The following TNK2 variants were observed in gnomAD, a reference collection of about 807,000 sequenced individuals.
TNK2 encodes activated CDC42 kinase 1.
Under a neutral mutation model 101.8 loss-of-function variants are expected in TNK2, and 83 were observed. The observed-to-expected ratio is 0.82, with a 90% CI of 0.68 to 0.98. TNK2 has a LOEUF of 0.98. Ranked by LOEUF, TNK2 falls within the 50% of genes least tolerant of loss-of-function variation. The pLI, the probability that TNK2 is intolerant of heterozygous loss-of-function variation, is 0.00. For synonymous variants in TNK2, 804 were observed against 633.0 expected (o/e 1.27, Z -4.06); for missense variants, 1,665 against 1,483.2 (o/e 1.12, Z -2.01).
chr3:195,887,785 G>T (rs1482239309), intron 2 of TNK2, among the ~76,000 whole-genome samples: 1 of 151,070 alleles, frequency 6.6e-6, no homozygotes, highest in Non-Finnish European at 1.5e-5. Context: ...CTGCGCGCGT[G>T]TGTGTACATG....
chr3:195,895,817 G>C lies in TNK2; in HGVS notation c.-18-7211C>G, dbSNP rs547746166. The C allele has an allele frequency of 1.3e-4, 23 of 175,824 alleles. No homozygotes were observed. The East Asian group carries it at 3.3e-3, about 25-fold the overall frequency. The allele number at this position is 175,824 out of a possible 1,614,324, so 10.9% of individuals were successfully genotyped here. On this transcript the variant is annotated intron_variant, in intron 1 of 15. Transcript: ENST00000672887. ...CTCCATCTGAGACCCCCTCCTCCGA[G>C]GCATCCCGGGGCTGCAGCCCACCCC...
chr3:195,884,622 C>T (rs917972418), intron 4 of TNK2, 190 bp downstream of exon 4: 17 of 568,860 alleles, frequency 3.0e-5, no homozygotes, highest in East Asian at 2.1e-4. Context: ...CCAGCCTGGG[C>T]GACAGAGCGA....
chr3:195,866,806 G>C (rs73891160), intron 15 of TNK2, 83 bp downstream of exon 15: 250,289 of 1,537,468 alleles, frequency 0.16, 21,457 homozygotes, highest in Non-Finnish European at 0.18. Flanking sequence ...GGCCTGCGAG[G>C]TGTTGGGCTT....
chr3:195,864,747 G>C (rs1356264045), intron 15 of TNK2, among the ~76,000 whole-genome samples: 1 of 140,240 alleles, frequency 7.1e-6, no homozygotes, highest in Admixed American at 7.1e-5. Context: ...AGGTGACAGC[G>C]AGTGCCTGCG....
rs1755145849 is a variant in TNK2 at position 195,885,380 on chromosome 3, T to C, written c.235-347A>G. On this transcript the variant is annotated intron_variant, in intron 3 of 15. Transcript: ENST00000672887. The surrounding 1 kb of genome is among the most constrained non-coding windows in gnomAD (Gnocchi z 4.7). ...CCAGTCCTGCCCCACCCTCCCTTCC[T>C]GCACCCGCCACCCCGCAGACTCCAG... 1.8e-6 allele frequency: 2 copies of C among 1,111,652 alleles called. No individual in the cohort carries two copies. The highest frequency in any genetic ancestry group is 3.9e-5 in the East Asian group (1 of 25,380). 68.9% of individuals were successfully genotyped at this position (1,111,652 alleles called of 1,614,324 possible).
At chr3:195,902,343 C>A (rs555502139) in intron 1 of TNK2, among the ~76,000 whole-genome samples, 5 of 152,240 alleles carry the variant, frequency 3.3e-5, no homozygotes, top group Admixed American at 6.5e-5. Flanking sequence ...AAGGGCCGGG[C>A]GCGGGGGCTC....
chr3:195,870,341 C>G, intron 10 of TNK2, 136 bp from the exon 11 acceptor site: 1 of 1,524,264 alleles, frequency 6.6e-7, no homozygotes, highest in Non-Finnish European at 8.8e-7. Flanking sequence ...GCCTCCCAGT[C>G]CACAGAACCT....
chr3:195,869,616 G>A (rs994950952), intron 11 of TNK2, 75 bp from the exon 12 acceptor site: 361 of 1,396,912 alleles, frequency 2.6e-4, no homozygotes, highest in Non-Finnish European at 3.2e-4. Context: ...ACGGCCGGAC[G>A]AGAGGGCAGA....
chr3:195,863,406 G>A lies in TNK2; in HGVS notation c.*775C>T, dbSNP rs768188484. On this transcript the variant is annotated 3_prime_UTR_variant, in exon 16 of 16. Transcript: ENST00000672887. ...TAACTTTATTTCTCTGGAAGAAGCA[G>A]GTACTGAATGCCGGAGCAGCAACTT... The A allele has an allele frequency of 2.6e-5, 4 of 152,758 alleles. No individual in the cohort carries two copies. The highest frequency in any genetic ancestry group is 5.9e-5 in the Non-Finnish European group (4 of 68,076). 9.5% of individuals were successfully genotyped at this position (152,758 alleles called of 1,614,324 possible).
chr3:195,870,693 G>A (rs1577008154), intron 10 of TNK2, among the ~76,000 whole-genome samples: 3 of 152,036 alleles, frequency 2.0e-5, no homozygotes, highest in African/African-American at 4.8e-5. Flanking sequence ...TGCACCAACT[G>A]TCAGTATCTG....
intron 1 of TNK2, chr3:195,894,473 T>C (rs1420873481): frequency 6.6e-6 from 1 of 151,350 alleles, no homozygotes; most frequent in Non-Finnish European, 1.5e-5. Context: ...TTGAGTGCAG[T>C]GGCGCGATCC....
Position 195,867,491 on chromosome 3 carries a change from G to A in TNK2, c.2807C>T (p.Ala936Val). 6.4e-7 allele frequency: 1 copy of A among 1,572,306 alleles called. No homozygotes were observed. ...PMPQAALDPK[A>V]NFSTNNSNPG... ...GTTGCTGTTGTTGGTGGAGAAGTTGGCCTTGGGGTCCAAGGCAGCCTGGGG... is the reference window on the plus strand; with the variant it reads ...GTTGCTGTTGTTGGTGGAGAAGTTGACCTTGGGGTCCAAGGCAGCCTGGGG... The change falls in exon 13 of 16, where the codon GCC becomes GTC. Residue 936 changes from alanine to valine, a missense_variant. Around this residue, in one of 3 missense-constraint regions of TNK2, gnomAD observed 1,136 missense variants for 894.9 expected, o/e 1.27. Transcript: ENST00000672887.
chr3:195,867,178 C>T lies in TNK2; in HGVS notation c.3024G>A (p.Gln1008=). ...CHGWSVQRAA[Q]YLKVEQLFGL... is the part of the protein sequence containing the mutation. Reference sequence around the variant, plus strand: ...CAGGAGGTGGCGGTACCTTCAGATACTGGGCAGCCCTCTGCACGCTCCAGC... The same window carrying T: ...CAGGAGGTGGCGGTACCTTCAGATATTGGGCAGCCCTCTGCACGCTCCAGC... Residue 1008 remains glutamine (Q), a synonymous_variant, in exon 14 of 16, where the codon CAG becomes CAA. Coordinates refer to ENST00000672887, the MANE Select transcript of TNK2 (RefSeq NM_001382273.1). The T allele has an allele frequency of 3.1e-6, 5 of 1,612,874 alleles. No homozygotes were observed. The highest frequency in any genetic ancestry group is 2.2e-5 in the East Asian group (1 of 44,864).
At chr3:195,890,641 G>C (rs2149716510) in intron 1 of TNK2, among the ~76,000 whole-genome samples, 1 of 152,170 alleles carries the variant, frequency 6.6e-6, no homozygotes, top group Non-Finnish European at 1.5e-5. Flanking sequence ...GTTCCTCCAT[G>C]TTGGCCAGGC....
chr3:195,892,021 C>A, intron 1 of TNK2: 1 of 1,025,314 alleles, frequency 9.8e-7, no homozygotes, highest in African/African-American at 1.7e-5. Flanking sequence ...GTGAGGCAAG[C>A]GGTCAGGGTC....
chr3:195,888,114 G>C lies in TNK2; in HGVS notation c.163+312C>G, dbSNP rs574843482. Among the ~76,000 whole-genome samples, 1 of 152,226 alleles carries C rather than the reference G, an allele frequency of 6.6e-6. No homozygotes were observed. Among genetic ancestry groups the C allele is most frequent in the African/African-American group, 2.4e-5 (1 of 41,542 alleles). The stretch of plus-strand genomic sequence containing the variant: ...GACCCCCCGGTAGTCAGAATGATGA[G>C]AACAGACTCAATTCGATGCTTATGA... On this transcript the variant is annotated intron_variant, in intron 2 of 15. Coordinates refer to ENST00000672887, the MANE Select transcript of TNK2 (RefSeq NM_001382273.1). This position sits in a 1 kb window ranked among gnomAD's most constrained non-coding sequence, Gnocchi z 5.3.
Position 195,878,995 on chromosome 3 carries a change from A to C in TNK2, c.1014+54T>G. The C allele has an allele frequency of 6.3e-7, 1 of 1,594,470 alleles. No homozygotes were observed. Among genetic ancestry groups the C allele is most frequent in the Non-Finnish European group, 8.5e-7 (1 of 1,170,118 alleles). On this transcript the variant is annotated intron_variant, in intron 7 of 15. Coordinates refer to ENST00000672887, the MANE Select transcript of TNK2 (RefSeq NM_001382273.1). This position sits in a 1 kb window ranked among gnomAD's most constrained non-coding sequence, Gnocchi z 4.7. ...GTTCCAGCAGGGCCAGGCTGCAAGC[A>C]GGGAATGGAATTCACCCCACCAGCC...
Position 195,888,680 on chromosome 3 carries a change from C to T in TNK2, c.-18-74G>A, listed in dbSNP as rs1436137878. 2.1e-6 allele frequency: 3 copies of T among 1,400,996 alleles called. No individual in the cohort carries two copies. The highest frequency in any genetic ancestry group is 2.9e-6 in the Non-Finnish European group (3 of 1,043,250). 86.8% of individuals were successfully genotyped at this position (1,400,996 alleles called of 1,614,324 possible). On this transcript the variant is annotated intron_variant, in intron 1 of 15. Transcript: ENST00000672887. This position sits in a 1 kb window ranked among gnomAD's most constrained non-coding sequence, Gnocchi z 5.3. ...GGGGCCTGCCCGAGTGACCTGGGCT[C>T]ACCTTCATCCCACTACACGGCCACC...
In TNK2 at chr3:195,869,662, C is replaced by T. The variant is rs576396451; in HGVS notation, c.1544-121G>A. The T allele has an allele frequency of 2.2e-4, 223 of 1,019,556 alleles. 1 individual carries two copies. In the East Asian group the frequency reaches 4.6e-3, roughly 21 times the overall value. 63.2% of individuals were successfully genotyped at this position (1,019,556 alleles called of 1,614,324 possible). A position where few individuals can be genotyped will look rare whatever the true frequency, so the allele number is the denominator to read the frequency against. On this transcript the variant is annotated intron_variant, in intron 11 of 15. Coordinates refer to ENST00000672887, the MANE Select transcript of TNK2 (RefSeq NM_001382273.1). Reference sequence around the variant, plus strand: ...ACGAAGGGAGAGAAGTGAATGGGGGCGAGTGAATGTACAAGCCCCCAGCAA... The same window carrying T: ...ACGAAGGGAGAGAAGTGAATGGGGGTGAGTGAATGTACAAGCCCCCAGCAA...
Sources: allele counts gnomAD v4.1 joint callset (sites outside exome capture counted in the v4.1 genomes callset), GRCh38; gene constraint gnomAD v4.1.1; regional missense constraint gnomAD v4.1.1; non-coding constraint Gnocchi (gnomAD v3.1); transcripts MANE v1.5; gene names NCBI Gene and HGNC (gene_info 2026-07-23, HGNC 2026-07-21).